WDR17: variants seen among roughly 807,000 people sequenced by gnomAD.
The protein encoded by WDR17 is WD repeat-containing protein 17.
Under a neutral mutation model 161.7 loss-of-function variants are expected in WDR17, and 143 were observed. That is an observed-to-expected ratio of 0.88 (90% CI 0.77 to 1.02). The LOEUF (loss-of-function observed/expected upper bound fraction) is 1.02, where lower values mean the gene tolerates loss of function less well. Among genes scored for constraint, WDR17 ranks in the 50% least tolerant of loss-of-function variants. The probability of loss-of-function intolerance (pLI) is 0.00; values close to 1 mark genes in which losing one functional copy is unlikely to be tolerated. For missense variants in WDR17, 1,469 were observed against 1,520.9 expected (o/e 0.97, Z 0.57); for synonymous variants, 517 against 515.6 (o/e 1.00, Z -0.04).
Position 176,159,978 on chromosome 4 carries a change from G to A in WDR17, c.2526-16G>A. 6.4e-7 allele frequency: 1 copy of A among 1,572,890 alleles called. No homozygotes were observed. Among genetic ancestry groups the A allele is most frequent in the Non-Finnish European group, 8.7e-7 (1 of 1,154,888 alleles). ...AAAATAATATATTGTTTAAAAAACT[G>A]TCCTTATTTTATTAGGAGAGCTGAC... On this transcript the variant is annotated splice_polypyrimidine_tract_variant and intron_variant, in intron 18 of 28. Coordinates refer to ENST00000508596, the MANE Select transcript of WDR17 (RefSeq NM_181265.4).
intron 1 of WDR17, among the ~76,000 whole-genome samples, chr4:176,074,444 A>G (rs912983061): frequency 1.3e-5 from 2 of 151,308 alleles, no homozygotes; most frequent in South Asian, 2.1e-4. Context: ...TAATTTACTT[A>G]TCTGTTTTGC....
At chr4:176,134,874 T>G (rs1744141337) in intron 7 of WDR17, among the ~76,000 whole-genome samples, 1 of 151,672 alleles carries the variant, frequency 6.6e-6, no homozygotes, top group African/African-American at 2.4e-5. Context: ...TAGTTGCTGA[T>G]TTGAGGAACC....
chr4:176,122,375 T>C lies in WDR17; in HGVS notation c.538+2278T>C, dbSNP rs541605310. Among the ~76,000 whole-genome samples the C allele has an allele frequency of 2.0e-5, 3 of 152,340 alleles. No individual in the cohort carries two copies. In the East Asian group the frequency reaches 5.8e-4, roughly 29 times the overall value. ...TTGCAGGTACTGGGGCTTAGGACTTTAACACCTTTTTTGAGAGAGCACAGT... is the reference window on the plus strand; with the variant it reads ...TTGCAGGTACTGGGGCTTAGGACTTCAACACCTTTTTTGAGAGAGCACAGT... On this transcript the variant is annotated intron_variant, in intron 4 of 28. Transcript: ENST00000508596.
chr4:176,073,931 C>T (rs1733601510), intron 1 of WDR17, among the ~76,000 whole-genome samples: 1 of 150,388 alleles, frequency 6.6e-6, no homozygotes, highest in African/African-American at 2.4e-5. Context: ...TCATATCCTT[C>T]ACCCACTTTT....
chr4:176,161,001 G>A lies in WDR17; in HGVS notation c.2749G>A (p.Glu917Lys), dbSNP rs1429514438. 6.9e-6 allele frequency: 11 copies of A among 1,605,310 alleles called. No individual in the cohort carries two copies. Among genetic ancestry groups the A allele is most frequent in the Non-Finnish European group, 8.5e-6 (10 of 1,176,318 alleles). Reference sequence around the variant, plus strand: ...TGATATCTACAAGGAAGACTTTAATGAGTGAGTGATTTATTTGCTCTGGGT... The same window carrying A: ...TGATATCTACAAGGAAGACTTTAATAAGTGAGTGATTTATTTGCTCTGGGT... ...SDDIYKEDFNELLHKVSKELA... is the reference protein window; with the variant it reads ...SDDIYKEDFNKLLHKVSKELA... Residue 917 changes from glutamate (E) to lysine (K), a missense_variant and splice_region_variant, in exon 20 of 29, where the codon GAA becomes AAA. By Grantham distance (56) the Glu-to-Lys change is moderately conservative. Coordinates refer to ENST00000508596, the MANE Select transcript of WDR17 (RefSeq NM_181265.4).
rs866780541 is a variant in WDR17, at chr4:176,098,444, A to C, written c.-6-13131A>C. 6.9e-4 allele frequency among the ~76,000 whole-genome samples: 105 copies of C among 152,126 alleles called. 1 individual carries two copies. The highest frequency in any genetic ancestry group is 2.3e-3 in the African/African-American group (95 of 41,550). ...TAATTAAATATGTTTCTTTACCTTT[A>C]TATGTGACATATTTTGTAGGATTTA... On this transcript the variant is annotated intron_variant, in intron 1 of 28. Coordinates refer to ENST00000508596, the MANE Select transcript of WDR17 (RefSeq NM_181265.4).
chr4:176,089,768 C>T (rs1378645757), intron 1 of WDR17, among the ~76,000 whole-genome samples: 1 of 152,084 alleles, frequency 6.6e-6, no homozygotes, highest in Admixed American at 6.6e-5. Flanking sequence ...TCCCAGCCTG[C>T]TCCCTAGGGT....
intron 1 of WDR17, among the ~76,000 whole-genome samples, chr4:176,081,460 C>G (rs1268869854): frequency 6.6e-6 from 1 of 152,102 alleles, no homozygotes; most frequent in Admixed American, 6.6e-5. Flanking sequence ...ATCATAGGCA[C>G]ATTTTTCTTT....
chr4:176,121,589 A>G (rs1214708806), intron 4 of WDR17, among the ~76,000 whole-genome samples: 3 of 151,900 alleles, frequency 2.0e-5, no homozygotes, highest in Non-Finnish European at 4.4e-5. Flanking sequence ...TCTAAATTGC[A>G]CTCTAGATAT....
At chr4:176,177,753 A>G in intron 28 of WDR17, 99 bp downstream of exon 28, 4 of 1,235,796 alleles carry the variant, frequency 3.2e-6, no homozygotes, top group Non-Finnish European at 4.4e-6. Flanking sequence ...AAAAGTAGGT[A>G]ATTTAGGACT....
At chr4:176,119,837 T>A in intron 3 of WDR17, 30 bp from the exon 4 acceptor site, 2 of 1,577,408 alleles carry the variant, frequency 1.3e-6, no homozygotes, top group Non-Finnish European at 8.7e-7. Context: ...GCTGTATCTT[T>A]ATTATGTATC....
chr4:176,086,963 C>G (rs1735497688), intron 1 of WDR17, among the ~76,000 whole-genome samples: 1 of 151,826 alleles, frequency 6.6e-6, no homozygotes, highest in African/African-American at 2.4e-5. Flanking sequence ...TGGTTTAATA[C>G]AAATGATTAC....
At chr4:176,118,393 T>A (rs1740981250) in intron 3 of WDR17, among the ~76,000 whole-genome samples, 1 of 152,232 alleles carries the variant, frequency 6.6e-6, no homozygotes, top group Admixed American at 6.5e-5. Flanking sequence ...TAAATTCTAC[T>A]TCTGTTAATG....
intron 3 of WDR17, among the ~76,000 whole-genome samples, chr4:176,116,424 A>G (rs1740647554): frequency 6.6e-6 from 1 of 151,866 alleles, no homozygotes; most frequent in African/African-American, 2.4e-5. Context: ...GTCAAGGTAG[A>G]ACATCCTCAT....
At position 176,149,826 on chromosome 4, in the gene WDR17, T is replaced by A. The variant is rs1372758689; in HGVS notation, c.1917T>A (p.Ser639Arg). 6.2e-7 allele frequency: 1 copy of A among 1,613,206 alleles called. No individual in the cohort carries two copies. Among genetic ancestry groups the A allele is most frequent in the East Asian group, 2.2e-5 (1 of 44,874 alleles). ...ADVYGLTCHP[S>R]RPFTMASCSR... ...CATCAGGTTTAACCTGCCATCCCAG[T>A]CGCCCCTTCACTATGGCCTCTTGCT... The change falls in exon 14 of 29, where the codon AGT becomes AGA. Residue 639 changes from serine to arginine, a missense_variant. By Grantham distance (110) the Ser-to-Arg change is moderately radical. Transcript: ENST00000508596.
At chr4:176,139,996 T>C (rs776306171) in intron 10 of WDR17, 22 bp downstream of exon 10, 3 of 1,562,406 alleles carry the variant, frequency 1.9e-6, no homozygotes, top group Non-Finnish European at 2.6e-6. Flanking sequence ...GTATGATACA[T>C]GATATGAAAT....
Position 176,135,334 on chromosome 4 carries a change from T to C in WDR17, c.1267+58T>C, listed in dbSNP as rs1277403517. 4 of 1,571,244 alleles carry C rather than the reference T, an allele frequency of 2.5e-6. No individual in the cohort carries two copies. The African/African-American group carries it at 5.4e-5, about 21-fold the overall frequency. On this transcript the variant is annotated intron_variant, in intron 8 of 28. Coordinates refer to ENST00000508596, the MANE Select transcript of WDR17 (RefSeq NM_181265.4). ...ATGAAATGGCTTTTTAAAGTTTTAT[T>C]TTCATTTGAGTTACTTTCTTCCTCT... is the stretch of plus-strand genomic sequence containing the variant.
At position 176,157,800 on chromosome 4, in the gene WDR17, G is replaced by C. The variant is rs564488034; in HGVS notation, c.2525+1657G>C. 2.6e-5 allele frequency among the ~76,000 whole-genome samples: 4 copies of C among 152,300 alleles called. No homozygotes were observed. In the South Asian group the frequency reaches 8.3e-4, roughly 32 times the overall value. On this transcript the variant is annotated intron_variant, in intron 18 of 28. Coordinates refer to ENST00000508596, the MANE Select transcript of WDR17 (RefSeq NM_181265.4). ...ACGTTGCTTTCTATGTTAGGTATCT[G>C]TGAGTTTAAAATGTGGTGTATCCTC...
chr4:176,119,716 G>A, intron 3 of WDR17, 151 bp from the exon 4 acceptor site: 1 of 720,000 alleles, frequency 1.4e-6, no homozygotes. Context: ...TGCAGTCTTT[G>A]GGATTTCTTT....
Sources: allele counts gnomAD v4.1 joint callset (sites outside exome capture counted in the v4.1 genomes callset), GRCh38; gene constraint gnomAD v4.1.1; transcripts MANE v1.5; gene names NCBI Gene and HGNC (gene_info 2026-07-23, HGNC 2026-07-21).